The following ANK3 variants were observed in gnomAD, a reference collection of about 807,000 sequenced individuals.
ANK3 encodes ankyrin 3, also known as ankyrin-3.
ANK3 carries 57 observed loss-of-function variants against 370.9 expected under a neutral mutation model. The observed-to-expected ratio is 0.15, with a 90% CI of 0.12 to 0.19. The LOEUF is 0.19. Ranked by LOEUF, ANK3 falls within the 10% of genes least tolerant of loss-of-function variation. The pLI, the probability that ANK3 is intolerant of heterozygous loss-of-function variation, is 1.00. For missense variants in ANK3, 4,439 were observed against 5,302.1 expected (o/e 0.84, Z 5.06); for synonymous variants, 1,929 against 1,946.3 (o/e 0.99, Z 0.23).
In ANK3 at chr10:60,420,553, A is replaced by T. The variant is rs2063757357; in HGVS notation, c.97-140914T>A. ...AGGAATGCAATGAGATCCCACCCAGAGAATAAAAGTAAGTGTCCCACTTAG... is the reference window on the plus strand; with the variant it reads ...AGGAATGCAATGAGATCCCACCCAGTGAATAAAAGTAAGTGTCCCACTTAG... On this transcript the variant is annotated intron_variant, in intron 2 of 43. Coordinates refer to the ANK3 transcript ENST00000373827. Among the ~76,000 whole-genome samples, 3 of 152,204 alleles carry T rather than the reference A, an allele frequency of 2.0e-5. No individual in the cohort carries two copies. In the South Asian group the frequency reaches 6.2e-4, roughly 32 times the overall value.
chr10:60,461,300 C>G (rs942459404), intron 2 of ANK3, among the ~76,000 whole-genome samples: 1 of 152,152 alleles, frequency 6.6e-6, no homozygotes, highest in East Asian at 1.9e-4. Flanking sequence ...CATGCTACTT[C>G]TTTACACTAC....
intron 2 of ANK3, among the ~76,000 whole-genome samples, chr10:60,425,449 A>G (rs765383066): frequency 2.6e-5 from 4 of 152,140 alleles, no homozygotes; most frequent in Non-Finnish European, 5.9e-5. Context: ...GTGTTTAAAC[A>G]ATAGATTTCT....
In ANK3 at chr10:60,055,901, T is replaced by G. The variant is rs1194703470; in HGVS notation, c.12822A>C (p.Val4274=). Residue 4274 remains valine, a synonymous_variant, in exon 42 of 44, where the codon GTA becomes GTC. Transcript: ENST00000280772. ...KSYFPESQND[V]GKQSTKETLK... is the part of the protein sequence containing the mutation. ...GAGTTTCCTTGGTACTCTGTTTTCCTACATCATTTTGGGATTCTGGAAAGT... is the reference window on the plus strand; with the variant it reads ...GAGTTTCCTTGGTACTCTGTTTTCCGACATCATTTTGGGATTCTGGAAAGT... 1.9e-6 allele frequency: 3 copies of G among 1,614,102 alleles called. No individual in the cohort carries two copies. Among genetic ancestry groups the G allele is most frequent in the Admixed American group, 1.7e-5 (1 of 60,000 alleles).
At position 60,469,105 on chromosome 10, in the gene ANK3, G is replaced by GTA. The variant is rs370314200; in HGVS notation, c.96+146079_96+146080dup. ...TATATATATATATATACCACTTTTA[G>GTA]TATATATATATATACCACTTTTAGT... On this transcript the variant is annotated intron_variant, in intron 2 of 43. Transcript: ENST00000373827. Among the ~76,000 whole-genome samples, 109 of 14,470 alleles carry GTA rather than the reference G, an allele frequency of 7.5e-3. 10 individuals carry two copies. The highest frequency in any genetic ancestry group is 0.021 in the African/African-American group (57 of 2,702). 9.5% of individuals were successfully genotyped at this position (14,470 alleles called of 152,430 possible).
At chr10:60,650,185 CAACA>C (rs1195963075) in intron 1 of ANK3, among the ~76,000 whole-genome samples, 1 of 152,132 alleles carries the variant, frequency 6.6e-6, no homozygotes, top group Non-Finnish European at 1.5e-5. Context: ...AGGAAGGGAT[CAACA>C]AACAGTGGCA....
intron 2 of ANK3, among the ~76,000 whole-genome samples, chr10:60,532,649 G>A (rs1307995771): frequency 6.6e-6 from 1 of 152,080 alleles, no homozygotes; most frequent in African/African-American, 2.4e-5. Context: ...GGGTCGTGGT[G>A]ATCATTTGGT....
chr10:60,152,849 C>T (rs1445838288), intron 23 of ANK3, among the ~76,000 whole-genome samples: 1 of 152,090 alleles, frequency 6.6e-6, no homozygotes. Flanking sequence ...AAGGTAATTG[C>T]TTTCTATATA....
At chr10:60,669,041 TG>T (rs2079034253) in intron 1 of ANK3, among the ~76,000 whole-genome samples, 1 of 151,856 alleles carries the variant, frequency 6.6e-6, no homozygotes, top group Admixed American at 6.6e-5. Context: ...GTGACAGCTG[TG>T]GGGGTCAGCA....
chr10:60,035,796 C>T (rs902394908), intron 43 of ANK3, among the ~76,000 whole-genome samples: 2 of 150,960 alleles, frequency 1.3e-5, no homozygotes, highest in African/African-American at 4.9e-5. Flanking sequence ...TTGAGACCAG[C>T]CTGACCAACA....
intron 1 of ANK3, among the ~76,000 whole-genome samples, chr10:60,309,771 G>GA (rs1245646800): frequency 2.0e-5 from 3 of 151,856 alleles, no homozygotes; most frequent in East Asian, 1.9e-4. Flanking sequence ...TAAAGCATCA[G>GA]AAAAAACAAA....
chr10:60,410,995 C>G (rs2063548528), intron 2 of ANK3, among the ~76,000 whole-genome samples: 1 of 152,092 alleles, frequency 6.6e-6, no homozygotes, highest in Admixed American at 6.5e-5. Flanking sequence ...ATCTTTATCC[C>G]TCTCCTTCCT....
rs182892874 is a variant in ANK3 at position 60,575,583 on chromosome 10, A to T, written c.96+39603T>A. 6.6e-5 allele frequency among the ~76,000 whole-genome samples: 10 copies of T among 152,334 alleles called. No homozygotes were observed. The East Asian group carries it at 1.3e-3, about 21-fold the overall frequency. ...TAATTTAATAATAAAACTATGTGGC[A>T]TATAACATGTTTTATGTCCATTTTC... On this transcript the variant is annotated intron_variant, in intron 2 of 43. Transcript: ENST00000373827.
In ANK3 at chr10:60,072,004, G is replaced by T; in HGVS notation, c.8877C>A (p.His2959Gln). 1 of 1,614,128 alleles carries T rather than the reference G, an allele frequency of 6.2e-7. No individual in the cohort carries two copies. Residue 2959 changes from histidine (H) to glutamine (Q), a missense_variant, in exon 37 of 44, where the codon CAC (histidine) becomes CAA (glutamine). By Grantham distance (24) the His-to-Gln change is conservative. Around this residue, in one of 13 missense-constraint regions of ANK3, gnomAD observed 1,601 missense variants for 1,731.7 expected, o/e 0.92. Transcript: ENST00000280772. ...TCTCATCAGCAACTCTGACGGGAAT[G>T]TGTGACACTGCTGAGCTCTCGCTCC... ...SRRSESSAVS[H>Q]IPVRVADERR...
intron 28 of ANK3, among the ~76,000 whole-genome samples, chr10:60,097,405 A>G (rs1301082519): frequency 6.6e-6 from 1 of 152,218 alleles, no homozygotes; most frequent in Non-Finnish European, 1.5e-5. Context: ...CCATCTAAGC[A>G]GCAGGCCTGA....
rs1052365066 is a variant in ANK3, at chr10:60,506,036, C to T, written c.96+109150G>A. Among the ~76,000 whole-genome samples, 4 of 151,886 alleles carry T rather than the reference C, an allele frequency of 2.6e-5. No individual in the cohort carries two copies. The East Asian group carries it at 7.7e-4, about 29-fold the overall frequency. On this transcript the variant is annotated intron_variant, in intron 2 of 43. Transcript: ENST00000373827. ...AGTATTCATACTCACAATAAACCCCCCAAACCTATTTTCTCAGAAGAGCAC... is the reference window on the plus strand; with the variant it reads ...AGTATTCATACTCACAATAAACCCCTCAAACCTATTTTCTCAGAAGAGCAC...
At chr10:60,268,053 T>C (rs527826109) in intron 5 of ANK3, among the ~76,000 whole-genome samples, 1 of 152,148 alleles carries the variant, frequency 6.6e-6, no homozygotes, top group Non-Finnish European at 1.5e-5. Context: ...GGCTGGAGTG[T>C]AGCGACTACT....
chr10:60,597,885 T>C (rs948304571), intron 2 of ANK3, among the ~76,000 whole-genome samples: 1 of 152,216 alleles, frequency 6.6e-6, no homozygotes, highest in Non-Finnish European at 1.5e-5. Context: ...ATATTTCTTC[T>C]TGTTTTCATA....
rs2082515109 is a variant in ANK3, at chr10:60,070,668, G to A, written c.10213C>T (p.His3405Tyr). Residue 3405 changes from histidine to tyrosine, a missense_variant, in exon 37 of 44, where the codon CAT becomes TAT. This residue lies in a region of ANK3 where 1,601 missense variants were observed against 1,731.7 expected (regional missense o/e 0.92). Coordinates refer to ENST00000280772, the MANE Select transcript of ANK3 (RefSeq NM_020987.5). This position sits in a 1 kb window ranked among gnomAD's most constrained non-coding sequence, Gnocchi z 5.7. ...TCGATCTCTGTGGCATCCGTGTCAT[G>A]AGAAAACTCTGCTGTGGTGGCAATG... The part of the protein sequence containing the change: ...CSIATTAEFS[H>Y]DTDATEIDSL... 1.2e-6 allele frequency: 2 copies of A among 1,614,144 alleles called. No individual in the cohort carries two copies. Among genetic ancestry groups the A allele is most frequent in the African/African-American group, 1.3e-5 (1 of 75,036 alleles).
At chr10:60,118,476 C>T (rs1486282234) in intron 25 of ANK3, among the ~76,000 whole-genome samples, 1 of 152,036 alleles carries the variant, frequency 6.6e-6, no homozygotes, top group Non-Finnish European at 1.5e-5. Flanking sequence ...AGATTCTAAC[C>T]CGTCAAAAGC....
Sources: allele counts gnomAD v4.1 joint callset (sites outside exome capture counted in the v4.1 genomes callset), GRCh38; gene constraint gnomAD v4.1.1; regional missense constraint gnomAD v4.1.1; non-coding constraint Gnocchi (gnomAD v3.1); transcripts MANE v1.5; gene names NCBI Gene and HGNC (gene_info 2026-07-23, HGNC 2026-07-21).